The following ITGB5 variants were observed in gnomAD, a reference collection of about 807,000 sequenced individuals.
ITGB5 encodes integrin beta-5.
Under a neutral mutation model 84.8 loss-of-function variants are expected in ITGB5, and 38 were observed. The observed-to-expected ratio is 0.45, with a 90% CI of 0.35 to 0.59. The LOEUF (loss-of-function observed/expected upper bound fraction) is 0.59, where lower values mean the gene tolerates loss of function less well. Ranked by LOEUF, ITGB5 falls within the 20% of genes least tolerant of loss-of-function variation. The pLI, the probability that ITGB5 is intolerant of heterozygous loss-of-function variation, is 0.01. For missense variants in ITGB5, 905 were observed against 1,034.5 expected, an observed-to-expected ratio of 0.87 and a Z score of 1.72; for synonymous variants, 393 against 414.4, an observed-to-expected ratio of 0.95 and a Z score of 0.63.
chr3:124,788,354 C>T (rs1476674505), intron 10 of ITGB5, among the ~76,000 whole-genome samples: 1 of 152,192 alleles, frequency 6.6e-6, no homozygotes, highest in Non-Finnish European at 1.5e-5. Context: ...CCTCTAAAGG[C>T]TTTTGCAGTA....
chr3:124,873,660 A>C (rs1018019005), intron 1 of ITGB5, 129 bp from the exon 2 acceptor site: 1 of 747,460 alleles, frequency 1.3e-6, no homozygotes, highest in African/African-American at 1.7e-5. Flanking sequence ...TGCAGGTACC[A>C]TTGCTAATTG....
chr3:124,880,800 G>A (rs563413109), intron 1 of ITGB5, among the ~76,000 whole-genome samples: 2 of 151,674 alleles, frequency 1.3e-5, no homozygotes, highest in East Asian at 3.9e-4. Context: ...ATGGTGGCAC[G>A]TGCCTGTGAT....
chr3:124,822,923 C>T (rs2064729229), intron 5 of ITGB5, among the ~76,000 whole-genome samples: 1 of 152,026 alleles, frequency 6.6e-6, no homozygotes, highest in Non-Finnish European at 1.5e-5. Context: ...CTTCCCAGCG[C>T]AGACGAAACT....
chr3:124,851,714 G>A (rs751455055), intron 3 of ITGB5, among the ~76,000 whole-genome samples: 33 of 152,080 alleles, frequency 2.2e-4, no homozygotes, highest in Non-Finnish European at 2.6e-4. Flanking sequence ...CAGAAAGAGA[G>A]GGATGTAAGA....
intron 1 of ITGB5, among the ~76,000 whole-genome samples, chr3:124,883,854 T>C (rs1278742609): frequency 6.6e-6 from 1 of 152,132 alleles, no homozygotes; most frequent in East Asian, 1.9e-4. Context: ...CATCCTAGGA[T>C]TCTGTCTGAA....
chr3:124,838,015 C>T (rs1032646775), intron 5 of ITGB5, among the ~76,000 whole-genome samples: 2 of 152,136 alleles, frequency 1.3e-5, no homozygotes, highest in African/African-American at 4.8e-5. Context: ...CAGGAGGAGA[C>T]ACAGCATTCA....
At chr3:124,885,824 T>C (rs904149075) in intron 1 of ITGB5, among the ~76,000 whole-genome samples, 1 of 152,178 alleles carries the variant, frequency 6.6e-6, no homozygotes, top group Non-Finnish European at 1.5e-5. Context: ...TGAACGAAGT[T>C]ATTGTTTGCT....
intron 3 of ITGB5, among the ~76,000 whole-genome samples, chr3:124,852,461 A>C (rs1366553736): frequency 6.6e-6 from 1 of 151,890 alleles, no homozygotes; most frequent in Non-Finnish European, 1.5e-5. Flanking sequence ...CTGGTTCCAG[A>C]GTAGCCAGCT....
intron 1 of ITGB5, among the ~76,000 whole-genome samples, chr3:124,884,224 G>A (rs9714070): frequency 9.6e-5 from 14 of 145,478 alleles, no homozygotes; most frequent in African/African-American, 7.6e-5. Flanking sequence ...AAAAAAAAAA[G>A]AAAAAAAAAA....
intron 10 of ITGB5, among the ~76,000 whole-genome samples, chr3:124,782,269 C>G (rs1041353194): frequency 6.6e-6 from 1 of 152,180 alleles, no homozygotes; most frequent in Admixed American, 6.5e-5. Context: ...CAAAACCACA[C>G]AGCAGGTAGG....
intron 1 of ITGB5, among the ~76,000 whole-genome samples, chr3:124,881,509 T>C (rs1017259835): frequency 3.3e-5 from 5 of 152,074 alleles, no homozygotes; most frequent in African/African-American, 9.7e-5. Context: ...CCCAGGGATG[T>C]AGGGAAGGAG....
At chr3:124,806,631 G>C (rs1220806008) in intron 9 of ITGB5, among the ~76,000 whole-genome samples, 1 of 151,586 alleles carries the variant, frequency 6.6e-6, no homozygotes, top group Non-Finnish European at 1.5e-5. Flanking sequence ...TAGAGACGGG[G>C]TTTCACCGTG....
At chr3:124,775,515 C>T (rs2063914005) in intron 10 of ITGB5, among the ~76,000 whole-genome samples, 1 of 152,122 alleles carries the variant, frequency 6.6e-6, no homozygotes, top group East Asian at 1.9e-4. Flanking sequence ...TCTCCATTTT[C>T]TACACAATCA....
chr3:124,801,389 G>A (rs1018092388), intron 9 of ITGB5, among the ~76,000 whole-genome samples: 4 of 152,138 alleles, frequency 2.6e-5, no homozygotes, highest in African/African-American at 7.2e-5. Context: ...ATTTCTCTTT[G>A]AGGACATCCC....
At chr3:124,817,570 T>C in intron 8 of ITGB5, 51 bp downstream of exon 8, 1 of 998,060 alleles carries the variant, frequency 1.0e-6, no homozygotes, top group East Asian at 2.7e-5. Context: ...AGGGCCTCAG[T>C]GGGAGAGGGT....
At chr3:124,863,628 G>A (rs139793983) in intron 2 of ITGB5, among the ~76,000 whole-genome samples, 2,015 of 152,126 alleles carry the variant, frequency 0.013, 60 homozygotes, top group African/African-American at 0.045. Context: ...AAGTGATCCC[G>A]CCACCTTAGC....
At chr3:124,804,362 A>G (rs7646358) in intron 9 of ITGB5, among the ~76,000 whole-genome samples, 9,134 of 152,086 alleles carry the variant, frequency 0.06, 437 homozygotes, top group African/African-American at 0.13. Flanking sequence ...TGTTTCTTAA[A>G]AAACAAAACA....
intron 3 of ITGB5, among the ~76,000 whole-genome samples, chr3:124,849,071 C>T (rs923026170): frequency 2.0e-5 from 3 of 152,152 alleles, no homozygotes; most frequent in African/African-American, 2.4e-5. Context: ...TGAGCCACCA[C>T]GCCTGGCCTG....
intron 5 of ITGB5, among the ~76,000 whole-genome samples, chr3:124,836,696 G>C (rs1411885965): frequency 6.6e-6 from 1 of 152,074 alleles, no homozygotes; most frequent in Admixed American, 6.5e-5. Context: ...CCAATATACT[G>C]TAGGATTCTG....
Sources: allele counts gnomAD v4.1 joint callset (sites outside exome capture counted in the v4.1 genomes callset), GRCh38; gene constraint gnomAD v4.1.1; transcripts MANE v1.5; gene names NCBI Gene and HGNC (gene_info 2026-07-23, HGNC 2026-07-21).